Variants in VIPR2 observed in about 807,000 individuals in gnomAD.
VIPR2 encodes the protein vasoactive intestinal polypeptide receptor 2.
Under a neutral mutation model 58.0 loss-of-function variants are expected in VIPR2, and 48 were observed. The observed-to-expected ratio is 0.83, with a 90% CI of 0.66 to 1.05. The LOEUF (loss-of-function observed/expected upper bound fraction) is 1.05. Among genes scored for constraint, VIPR2 ranks in the 50% least tolerant of loss-of-function variants. The pLI is 0.00. For synonymous variants in VIPR2, 243 were observed against 235.2 expected (o/e 1.03, Z -0.30); for missense variants, 534 against 558.0 (o/e 0.96, Z 0.43).
At chr7:159,068,964 C>A (rs73730136) in intron 4 of VIPR2, among the ~76,000 whole-genome samples, 4,641 of 152,268 alleles carry the variant, frequency 0.03, 112 homozygotes, top group African/African-American at 0.059. Context: ...GAGAACTGCA[C>A]AGGAATAAAA....
chr7:159,032,820 C>T (rs1273219101), intron 10 of VIPR2, among the ~76,000 whole-genome samples: 1 of 152,108 alleles, frequency 6.6e-6, no homozygotes, highest in East Asian at 1.9e-4. Context: ...ATGCAAAGGT[C>T]AGCATAGAAA....
intron 2 of VIPR2, among the ~76,000 whole-genome samples, chr7:159,122,781 A>T (rs566792458): frequency 6.6e-6 from 1 of 152,380 alleles, no homozygotes; most frequent in East Asian, 1.9e-4. Flanking sequence ...TATGCCTATT[A>T]TCAATTTAAA....
At chr7:159,118,742 T>C (rs1796340093) in intron 2 of VIPR2, among the ~76,000 whole-genome samples, 1 of 152,254 alleles carries the variant, frequency 6.6e-6, no homozygotes, top group Admixed American at 6.5e-5. Context: ...TCTTGTACCG[T>C]GGTGATTCTT....
chr7:159,100,913 C>G (rs1244961279), intron 4 of VIPR2, among the ~76,000 whole-genome samples: 1 of 145,426 alleles, frequency 6.9e-6, no homozygotes, highest in Non-Finnish European at 1.5e-5. Flanking sequence ...CCCGACTGTT[C>G]CTGTGGTAGT....
At chr7:159,136,188 G>T (rs1797216966) in intron 2 of VIPR2, among the ~76,000 whole-genome samples, 1 of 152,148 alleles carries the variant, frequency 6.6e-6, no homozygotes, top group Non-Finnish European at 1.5e-5. Flanking sequence ...TTTCTTGCTG[G>T]CGGGGACTTT....
intron 5 of VIPR2, among the ~76,000 whole-genome samples, chr7:159,047,011 G>A (rs1854697454): frequency 6.6e-6 from 1 of 152,154 alleles, no homozygotes. Flanking sequence ...GAGGCACGTG[G>A]ATCACCTGAG....
intron 4 of VIPR2, among the ~76,000 whole-genome samples, chr7:159,081,288 T>C (rs992562256): frequency 1.3e-5 from 2 of 152,070 alleles, no homozygotes; most frequent in Non-Finnish European, 2.9e-5. Context: ...CAATGGAACA[T>C]AACAGAGCCC....
Position 159,029,770 on chromosome 7 carries a change from C to A in VIPR2, c.*846G>T, listed in dbSNP as rs1250089126. On this transcript the variant is annotated 3_prime_UTR_variant, in exon 13 of 13. Coordinates refer to ENST00000262178, the MANE Select transcript of VIPR2 (RefSeq NM_003382.5). Reference sequence around the variant, plus strand: ...CTCCTGATCTGGTTGTCTCCTCAGCCCGCCTTCCGTGGGGAGGCAAAACAG... The same window carrying A: ...CTCCTGATCTGGTTGTCTCCTCAGCACGCCTTCCGTGGGGAGGCAAAACAG... 1.3e-5 allele frequency: 2 copies of A among 152,368 alleles called. No homozygotes were observed. Among genetic ancestry groups the A allele is most frequent in the African/African-American group, 4.8e-5 (2 of 41,460 alleles). 9.4% of individuals were successfully genotyped at this position (152,368 alleles called of 1,614,324 possible). A position where few individuals can be genotyped will look rare whatever the true frequency, so the allele number is the denominator to read the frequency against.
At chr7:159,042,023 T>A (rs1193043955) in intron 6 of VIPR2, among the ~76,000 whole-genome samples, 1 of 152,188 alleles carries the variant, frequency 6.6e-6, no homozygotes, top group African/African-American at 2.4e-5. Flanking sequence ...ACAGCAAATC[T>A]GATTCACAGG....
At chr7:159,133,949 A>G (rs1028818614) in intron 2 of VIPR2, among the ~76,000 whole-genome samples, 7 of 152,214 alleles carry the variant, frequency 4.6e-5, no homozygotes, top group African/African-American at 1.7e-4. Context: ...AAATTTGTCA[A>G]CAAGAAAAAT....
chr7:159,036,360 G>A (rs1432477407), intron 7 of VIPR2, among the ~76,000 whole-genome samples: 2 of 152,084 alleles, frequency 1.3e-5, no homozygotes, highest in African/African-American at 4.8e-5. Flanking sequence ...TCCTGTCCAT[G>A]AGGATGTCCC....
At chr7:159,033,651 G>A (rs1454646899) in intron 10 of VIPR2, among the ~76,000 whole-genome samples, 2 of 152,088 alleles carry the variant, frequency 1.3e-5, no homozygotes, top group East Asian at 1.9e-4. Context: ...ATGTAATCAC[G>A]TGGGCAGGAA....
chr7:159,139,360 T>TGG (rs1797365240), intron 2 of VIPR2, among the ~76,000 whole-genome samples: 1 of 152,144 alleles, frequency 6.6e-6, no homozygotes, highest in Non-Finnish European at 1.5e-5. Context: ...CCACTGCTCC[T>TGG]GGGGGGCTTG....
chr7:159,070,151 C>A (rs755285079), intron 4 of VIPR2, among the ~76,000 whole-genome samples: 1 of 152,188 alleles, frequency 6.6e-6, no homozygotes, highest in Non-Finnish European at 1.5e-5. Flanking sequence ...AGGGCATATT[C>A]ATCGTGAGAT....
rs1853583082 is a variant in VIPR2, at chr7:159,031,524, T to C, written c.1143+304A>G. 1.0e-6 allele frequency: 1 copy of C among 984,858 alleles called. No individual in the cohort carries two copies. The highest frequency in any genetic ancestry group is 1.2e-6 in the Non-Finnish European group (1 of 829,828). 61.0% of individuals were successfully genotyped at this position (984,858 alleles called of 1,614,324 possible). On this transcript the variant is annotated intron_variant, in intron 12 of 12. Transcript: ENST00000262178. This position sits in a 1 kb window ranked among gnomAD's most constrained non-coding sequence, Gnocchi z 4.0. ...ATGGTCAGGAGCGAGACGCCGACCA[T>C]GGGGAAAAACAGATTCTGTCTAGAC...
chr7:159,037,800 G>A (rs543968266), intron 6 of VIPR2, among the ~76,000 whole-genome samples: 1 of 149,976 alleles, frequency 6.7e-6, no homozygotes, highest in Non-Finnish European at 1.5e-5. Flanking sequence ...TAATCACTAA[G>A]CTTATATAAA....
chr7:159,072,550 A>G (rs535775888), intron 4 of VIPR2, among the ~76,000 whole-genome samples: 2 of 152,344 alleles, frequency 1.3e-5, no homozygotes, highest in African/African-American at 4.8e-5. Flanking sequence ...GAAAGCAAGA[A>G]GAAGGAAATT....
At chr7:159,069,296 G>T (rs1056637304) in intron 4 of VIPR2, among the ~76,000 whole-genome samples, 2 of 152,114 alleles carry the variant, frequency 1.3e-5, no homozygotes, top group Non-Finnish European at 2.9e-5. Context: ...TCCGAGTGAG[G>T]GTTGCTGGCT....
intron 2 of VIPR2, among the ~76,000 whole-genome samples, chr7:159,137,445 T>C (rs1797277468): frequency 6.6e-6 from 1 of 152,246 alleles, no homozygotes; most frequent in Non-Finnish European, 1.5e-5. Flanking sequence ...AGTGGTGCCA[T>C]CATGGCTCAC....
Sources: allele counts gnomAD v4.1 joint callset (sites outside exome capture counted in the v4.1 genomes callset), GRCh38; gene constraint gnomAD v4.1.1; non-coding constraint Gnocchi (gnomAD v3.1); transcripts MANE v1.5; gene names NCBI Gene and HGNC (gene_info 2026-07-23, HGNC 2026-07-21).